EYA4: variants seen among roughly 807,000 people sequenced by gnomAD.
The protein encoded by EYA4 is EYA transcriptional coactivator and phosphatase 4.
A neutral mutation model predicts 87.9 loss-of-function variants in EYA4; 31 were observed. The ratio of observed to expected loss-of-function variants is 0.35; its 90% CI spans 0.27 to 0.48. The LOEUF (loss-of-function observed/expected upper bound fraction) is 0.48, where lower values mean the gene tolerates loss of function less well. Ranked by LOEUF, EYA4 falls within the 20% of genes least tolerant of loss-of-function variation. EYA4 has a pLI of 0.99. For synonymous variants in EYA4, 263 were observed against 270.6 expected, an observed-to-expected ratio of 0.97 and a Z score of 0.28; for missense variants, 678 against 761.4, an observed-to-expected ratio of 0.89 and a Z score of 1.29.
Position 133,319,383 on chromosome 6 carries a change from G to A in EYA4, c.33+44570G>A, listed in dbSNP as rs567141917. ...AGTAAAAATCTTCCCTATGGATTGCGCCTTTTTTTCTTACTTCATAGCTCT... is the reference window on the plus strand; with the variant it reads ...AGTAAAAATCTTCCCTATGGATTGCACCTTTTTTTCTTACTTCATAGCTCT... On this transcript the variant is annotated intron_variant, in intron 2 of 19. Coordinates refer to ENST00000355286, the MANE Select transcript of EYA4 (RefSeq NM_004100.5). 8.5e-5 allele frequency among the ~76,000 whole-genome samples: 13 copies of A among 152,126 alleles called. No individual in the cohort carries two copies. In the South Asian group the frequency reaches 1.0e-3, roughly 12 times the overall value.
At chr6:133,277,257 G>A (rs570616252) in intron 2 of EYA4, among the ~76,000 whole-genome samples, 2 of 152,174 alleles carry the variant, frequency 1.3e-5, no homozygotes, top group Admixed American at 6.5e-5. Flanking sequence ...AATTTTTAAG[G>A]CCACTATTTT....
chr6:133,357,090 TGA>T (rs928974794), intron 2 of EYA4, among the ~76,000 whole-genome samples: 1 of 151,664 alleles, frequency 6.6e-6, no homozygotes, highest in Non-Finnish European at 1.5e-5. Context: ...GCTAAAACAG[TGA>T]AACCCCGTCT....
Position 133,448,108 on chromosome 6 carries a change from C to T in EYA4, c.209-3C>T, listed in dbSNP as rs1399116796. ...TGAACTTTTATACTGTTCCTGTTCTCAGGGGAAAACATGACTGTTTTAAAC... is the reference window on the plus strand; with the variant it reads ...TGAACTTTTATACTGTTCCTGTTCTTAGGGGAAAACATGACTGTTTTAAAC... On this transcript the variant is annotated splice_polypyrimidine_tract_variant and splice_region_variant and intron_variant, in intron 4 of 19. Coordinates refer to ENST00000355286, the MANE Select transcript of EYA4 (RefSeq NM_004100.5). The T allele has an allele frequency of 1.2e-6, 2 of 1,611,208 alleles. No individual in the cohort carries two copies. The highest frequency in any genetic ancestry group is 1.7e-6 in the Non-Finnish European group (2 of 1,177,338).
At chr6:133,320,802 C>T (rs1781029889) in intron 2 of EYA4, among the ~76,000 whole-genome samples, 1 of 152,110 alleles carries the variant, frequency 6.6e-6, no homozygotes, top group Non-Finnish European at 1.5e-5. Flanking sequence ...GGTTATTTCA[C>T]TTAGGATAAT....
intron 1 of EYA4, among the ~76,000 whole-genome samples, chr6:133,249,777 C>G (rs185688173): frequency 6.6e-6 from 1 of 152,312 alleles, no homozygotes; most frequent in East Asian, 1.9e-4. Flanking sequence ...TTCCTCTGAC[C>G]TCCAGAGTCT....
At chr6:133,338,018 G>A (rs1782506209) in intron 2 of EYA4, among the ~76,000 whole-genome samples, 1 of 152,084 alleles carries the variant, frequency 6.6e-6, no homozygotes, top group African/African-American at 2.4e-5. Context: ...AGATGCATAG[G>A]GTGAAGCAAG....
At chr6:133,509,601 C>A (rs1798962559) in intron 14 of EYA4, among the ~76,000 whole-genome samples, 1 of 152,094 alleles carries the variant, frequency 6.6e-6, no homozygotes, top group Non-Finnish European at 1.5e-5. Flanking sequence ...AGAAGAGAAT[C>A]CTGTGTGTTT....
At chr6:133,321,027 G>A (rs938458283) in intron 2 of EYA4, among the ~76,000 whole-genome samples, 24 of 152,016 alleles carry the variant, frequency 1.6e-4, no homozygotes, top group Middle Eastern at 6.8e-3. Context: ...TTTTCTTCTC[G>A]GCACTTCAAA....
intron 3 of EYA4, among the ~76,000 whole-genome samples, chr6:133,424,936 A>G (rs1790536345): frequency 6.6e-6 from 1 of 150,786 alleles, no homozygotes; most frequent in African/African-American, 2.5e-5. Flanking sequence ...GGCATCAACT[A>G]CTGCCATCAC....
intron 2 of EYA4, among the ~76,000 whole-genome samples, chr6:133,314,081 G>A (rs890535825): frequency 4.6e-5 from 7 of 152,076 alleles, no homozygotes; most frequent in African/African-American, 1.7e-4. Context: ...TAGTATCTGA[G>A]TAAAGCTATC....
At chr6:133,404,160 T>C (rs1788501141) in intron 3 of EYA4, among the ~76,000 whole-genome samples, 2 of 152,176 alleles carry the variant, frequency 1.3e-5, no homozygotes, top group Admixed American at 1.3e-4. Flanking sequence ...TTTAAGCCCT[T>C]TATTTGGACT....
rs79163156 is a variant in EYA4, at chr6:133,424,509, A to AC, written c.84-22111dup. Among the ~76,000 whole-genome samples the AC allele has an allele frequency of 7.1e-3, 1,028 of 143,870 alleles. 3 individuals are homozygous for AC. Among genetic ancestry groups the AC allele is most frequent in the Non-Finnish European group, 8.8e-3 (558 of 63,536 alleles). The allele number at this position is 143,870 out of a possible 152,430, so 94.4% of individuals were successfully genotyped here. On this transcript the variant is annotated intron_variant, in intron 3 of 19. Coordinates refer to ENST00000355286, the MANE Select transcript of EYA4 (RefSeq NM_004100.5). ...GAGAGGCCAGGCAACGGGAGCAAACACCCCCCCCCCAGCCTATAAGGATGG... is the reference window on the plus strand; with the variant it reads ...GAGAGGCCAGGCAACGGGAGCAAACACCCCCCCCCCCAGCCTATAAGGATGG...
chr6:133,385,403 G>C (rs868315047), intron 3 of EYA4, among the ~76,000 whole-genome samples: 2,900 of 133,180 alleles, frequency 0.022, 70 homozygotes, highest in Middle Eastern at 0.07. Flanking sequence ...GTGTGTGTGT[G>C]TGTGTGTGTG....
At chr6:133,332,547 T>A (rs9483574) in intron 2 of EYA4, among the ~76,000 whole-genome samples, 196 of 151,836 alleles carry the variant, frequency 1.3e-3, no homozygotes, top group African/African-American at 4.4e-3. Flanking sequence ...GAGGCTTTCT[T>A]TTTTTTTGAG....
At chr6:133,340,118 CA>C (rs1782673404) in intron 2 of EYA4, among the ~76,000 whole-genome samples, 1 of 152,128 alleles carries the variant, frequency 6.6e-6, no homozygotes, top group African/African-American at 2.4e-5. Context: ...ATATCCATTA[CA>C]GGGGTTAAAA....
At chr6:133,354,614 T>G (rs1783877840) in intron 2 of EYA4, among the ~76,000 whole-genome samples, 1 of 152,214 alleles carries the variant, frequency 6.6e-6, no homozygotes, top group Admixed American at 6.5e-5. Context: ...ATTCTAAATA[T>G]GTACTAATTT....
At chr6:133,367,520 G>A (rs1160853589) in intron 2 of EYA4, among the ~76,000 whole-genome samples, 3 of 152,188 alleles carry the variant, frequency 2.0e-5, no homozygotes, top group East Asian at 3.8e-4. Flanking sequence ...AAATACCAGT[G>A]TAGTACTGAC....
At chr6:133,396,770 C>T (rs1009356635) in intron 3 of EYA4, among the ~76,000 whole-genome samples, 3 of 151,892 alleles carry the variant, frequency 2.0e-5, no homozygotes, top group Non-Finnish European at 2.9e-5. Flanking sequence ...TGTGGATTAC[C>T]CATTGGTATT....
chr6:133,358,277 G>A (rs1784216552), intron 2 of EYA4, among the ~76,000 whole-genome samples: 1 of 152,136 alleles, frequency 6.6e-6, no homozygotes, highest in Non-Finnish European at 1.5e-5. Flanking sequence ...GAGGACTTGA[G>A]TTTGAATCTT....
Sources: gnomAD v4.1 joint callset for allele counts (sites outside exome capture counted in the v4.1 genomes callset) on GRCh38, gnomAD v4.1.1 for gene constraint, MANE v1.5 for transcripts, NCBI Gene and HGNC (gene_info 2026-07-23, HGNC 2026-07-21) for gene names.